The following GNAQ variants were observed in gnomAD, a reference collection of about 807,000 sequenced individuals.
GNAQ encodes guanine nucleotide-binding protein G(q) subunit alpha.
Under a neutral mutation model 43.9 loss-of-function variants are expected in GNAQ, and 8 were observed. The ratio of observed to expected loss-of-function variants is 0.18; its 90% CI spans 0.11 to 0.33. The LOEUF is 0.33. Ranked by LOEUF, GNAQ falls within the 10% of genes least tolerant of loss-of-function variation. The pLI is 1.00. For missense variants in GNAQ, 158 were observed against 450.8 expected (o/e 0.35, Z 5.88); for synonymous variants, 155 against 170.7 (o/e 0.91, Z 0.71).
intron 1 of GNAQ, among the ~76,000 whole-genome samples, chr9:77,958,440 A>G (rs1355190719): frequency 6.6e-6 from 1 of 152,232 alleles, no homozygotes; most frequent in African/African-American, 2.4e-5. Context: ...AAATAACAAT[A>G]AATGACTTTC....
chr9:77,977,735 C>A (rs1823322354), intron 1 of GNAQ, among the ~76,000 whole-genome samples: 1 of 152,176 alleles, frequency 6.6e-6, no homozygotes, highest in African/African-American at 2.4e-5. Context: ...TTTCACTTTG[C>A]AAGTCTGAAG....
chr9:78,027,027 C>T (rs1015764601), intron 1 of GNAQ, among the ~76,000 whole-genome samples: 1 of 152,138 alleles, frequency 6.6e-6, no homozygotes, highest in African/African-American at 2.4e-5. Flanking sequence ...CTAGCCTCTA[C>T]ACAATAAAAA....
At chr9:77,867,042 C>A (rs536038397) in intron 2 of GNAQ, among the ~76,000 whole-genome samples, 8 of 152,320 alleles carry the variant, frequency 5.3e-5, no homozygotes, top group African/African-American at 1.9e-4. Flanking sequence ...AGAGTGTGTT[C>A]TGAACATCCT....
At chr9:77,760,305 T>TG (rs1399046650) in intron 5 of GNAQ, among the ~76,000 whole-genome samples, 3 of 151,918 alleles carry the variant, frequency 2.0e-5, no homozygotes, top group African/African-American at 7.3e-5. Flanking sequence ...GCAACCTCCC[T>TG]GCCTGATTCT....
chr9:77,913,128 C>T (rs1828836262), intron 2 of GNAQ, among the ~76,000 whole-genome samples: 1 of 152,090 alleles, frequency 6.6e-6, no homozygotes, highest in Non-Finnish European at 1.5e-5. Context: ...GCAGTATCTA[C>T]GTACTAAAAC....
intron 5 of GNAQ, among the ~76,000 whole-genome samples, chr9:77,751,164 T>G (rs985151701): frequency 6.6e-6 from 1 of 152,258 alleles, no homozygotes. Flanking sequence ...CTTTCAATAT[T>G]ATTCCAGGCA....
chr9:77,718,678 A>G lies in GNAQ; in HGVS notation c.*2645T>C, dbSNP rs1183716534. ...AAACTGTAACACTTATGATCTTGTG[A>G]TGAGGTTTTCTCTATACACACTGTA... On this transcript the variant is annotated 3_prime_UTR_variant, in exon 7 of 7. Coordinates refer to ENST00000286548, the MANE Select transcript of GNAQ (RefSeq NM_002072.5). 2.0e-5 allele frequency: 4 copies of G among 200,974 alleles called. No homozygotes were observed. The highest frequency in any genetic ancestry group is 7.0e-5 in the African/African-American group (3 of 42,716). 12.4% of individuals were successfully genotyped at this position (200,974 alleles called of 1,614,324 possible). A position where few individuals can be genotyped will look rare whatever the true frequency, so the allele number is the denominator to read the frequency against.
intron 2 of GNAQ, among the ~76,000 whole-genome samples, chr9:77,868,146 C>A (rs1301380086): frequency 6.6e-6 from 1 of 152,174 alleles, no homozygotes; most frequent in Non-Finnish European, 1.5e-5. Flanking sequence ...CAGCATATAG[C>A]ATATGAATAT....
chr9:77,765,315 A>G (rs79468874), intron 5 of GNAQ, among the ~76,000 whole-genome samples: 1,922 of 152,334 alleles, frequency 0.013, 42 homozygotes, highest in African/African-American at 0.043. Flanking sequence ...ATAATTTAAA[A>G]ACGGATATCA....
At chr9:77,849,361 C>A (rs1233470875) in intron 2 of GNAQ, among the ~76,000 whole-genome samples, 1 of 152,082 alleles carries the variant, frequency 6.6e-6, no homozygotes, top group African/African-American at 2.4e-5. Context: ...TGATAGTGCA[C>A]TACTTCTCAG....
intron 6 of GNAQ, 34 bp from the exon 7 acceptor site, chr9:77,721,547 A>T (rs752142063): frequency 2.4e-6 from 3 of 1,269,208 alleles, no homozygotes; most frequent in Non-Finnish European, 3.4e-6. Context: ...ACACTTTGTT[A>T]CCTAATCTGC....
intron 1 of GNAQ, among the ~76,000 whole-genome samples, chr9:77,925,546 C>T (rs1273952513): frequency 6.6e-6 from 1 of 152,096 alleles, no homozygotes; most frequent in Non-Finnish European, 1.5e-5. Flanking sequence ...ATTAAAGGGA[C>T]CCATTTTGAA....
chr9:78,024,333 G>A (rs186373253), intron 1 of GNAQ, among the ~76,000 whole-genome samples: 2 of 152,260 alleles, frequency 1.3e-5, no homozygotes, highest in Middle Eastern at 3.4e-3. Context: ...AGGACATATG[G>A]ATGATGCCTA....
At chr9:77,767,240 G>A (rs1826151308) in intron 5 of GNAQ, among the ~76,000 whole-genome samples, 1 of 152,152 alleles carries the variant, frequency 6.6e-6, no homozygotes, top group Admixed American at 6.5e-5. Flanking sequence ...TGGGCTGGAT[G>A]ATTATGTGTT....
At chr9:77,945,305 G>A (rs1273223734) in intron 1 of GNAQ, among the ~76,000 whole-genome samples, 2 of 151,966 alleles carry the variant, frequency 1.3e-5, no homozygotes, top group Non-Finnish European at 2.9e-5. Flanking sequence ...TAGCTATAAA[G>A]TTGCTTTACT....
intron 2 of GNAQ, among the ~76,000 whole-genome samples, chr9:77,819,778 G>A (rs1368871184): frequency 1.0e-5 from 1 of 99,084 alleles, no homozygotes; most frequent in Non-Finnish European, 2.5e-5. Context: ...TAAATGGACT[G>A]TGGAAAAAAA....
At chr9:77,867,012 G>C (rs1020874184) in intron 2 of GNAQ, among the ~76,000 whole-genome samples, 2 of 152,180 alleles carry the variant, frequency 1.3e-5, no homozygotes, top group Admixed American at 6.5e-5. Flanking sequence ...CAGTTGAAAA[G>C]AGAGCTCCTT....
At chr9:77,902,154 C>T (rs750527840) in intron 2 of GNAQ, among the ~76,000 whole-genome samples, 1 of 152,204 alleles carries the variant, frequency 6.6e-6, no homozygotes, top group Non-Finnish European at 1.5e-5. Context: ...CTTAGCATTA[C>T]ATTAAAACTC....
At chr9:77,783,557 G>T (rs927247582) in intron 5 of GNAQ, among the ~76,000 whole-genome samples, 20 of 151,980 alleles carry the variant, frequency 1.3e-4, no homozygotes, top group Non-Finnish European at 2.1e-4. Flanking sequence ...ACCTCTTCAA[G>T]TCACTGCCTG....
Sources: allele counts gnomAD v4.1 joint callset (sites outside exome capture counted in the v4.1 genomes callset), GRCh38; gene constraint gnomAD v4.1.1; transcripts MANE v1.5; gene names NCBI Gene and HGNC (gene_info 2026-07-23, HGNC 2026-07-21).